SRP72: variants seen among roughly 807,000 people sequenced by gnomAD.
The protein encoded by SRP72 is signal recognition particle 72, also known as signal recognition particle subunit SRP72.
Under a neutral mutation model 96.3 loss-of-function variants are expected in SRP72, and 49 were observed. The observed-to-expected ratio is 0.51, with a 90% CI of 0.40 to 0.65. SRP72 has a LOEUF of 0.65. Among genes scored for constraint, SRP72 ranks in the 30% least tolerant of loss-of-function variants. The pLI, the probability that SRP72 is intolerant of heterozygous loss-of-function variation, is 0.00. For synonymous variants in SRP72, 267 were observed against 275.2 expected, an observed-to-expected ratio of 0.97 and a Z score of 0.30; for missense variants, 736 against 793.3, an observed-to-expected ratio of 0.93 and a Z score of 0.87.
intron 3 of SRP72, among the ~76,000 whole-genome samples, chr4:56,473,657 C>T (rs780235076): frequency 3.1e-4 from 47 of 151,130 alleles, no homozygotes; most frequent in Non-Finnish European, 2.4e-4. Flanking sequence ...CTCAGCTACT[C>T]GGGAGGCTGA....
At chr4:56,474,504 A>G (rs1336095557) in intron 5 of SRP72, 113 bp downstream of exon 5, 12 of 901,924 alleles carry the variant, frequency 1.3e-5, no homozygotes, top group Admixed American at 2.9e-5. Context: ...TTATTGATGC[A>G]GTGACAATTT....
rs534357584 is a variant in SRP72 at position 56,480,421 on chromosome 4, G to A, written c.825+1772G>A. Among the ~76,000 whole-genome samples, 69 of 151,840 alleles carry A rather than the reference G, an allele frequency of 4.5e-4. 2 individuals carry two copies. Among genetic ancestry groups the A allele is most frequent in the Non-Finnish European group, 6.8e-4 (46 of 67,978 alleles). ...ACTACAGTCACGTGCCACCACACCC[G>A]GCTAATTTTTGTATTTTTAGTAGAG... On this transcript the variant is annotated intron_variant, in intron 8 of 18. Coordinates refer to ENST00000642900, the MANE Select transcript of SRP72 (RefSeq NM_006947.4).
chr4:56,473,240 A>G (rs1396586717), intron 3 of SRP72, among the ~76,000 whole-genome samples: 2 of 152,062 alleles, frequency 1.3e-5, no homozygotes, highest in African/African-American at 4.8e-5. Flanking sequence ...CGGGCGGATC[A>G]TGAGGTCAGG....
intron 8 of SRP72, 120 bp downstream of exon 8, chr4:56,478,769 G>C (rs977075616): frequency 1.0e-6 from 1 of 955,604 alleles, no homozygotes; most frequent in Non-Finnish European, 1.6e-6. Flanking sequence ...AAGTCCAGTT[G>C]TAGCAAAATC....
chr4:56,484,886 G>A (rs182227596), intron 10 of SRP72, 22 bp downstream of exon 10: 667 of 1,601,782 alleles, frequency 4.2e-4, no homozygotes, highest in Admixed American at 5.9e-4. Flanking sequence ...ACTTGAATGA[G>A]GTGTCAGACA....
chr4:56,480,642 C>T (rs1306851349), intron 8 of SRP72, among the ~76,000 whole-genome samples: 1 of 152,136 alleles, frequency 6.6e-6, no homozygotes. Flanking sequence ...CTGAACATAA[C>T]TTATACACTG....
At chr4:56,497,220 A>T (rs1203093275) in intron 17 of SRP72, among the ~76,000 whole-genome samples, 2 of 145,592 alleles carry the variant, frequency 1.4e-5, no homozygotes, top group East Asian at 4.0e-4. Flanking sequence ...TATTTTATTT[A>T]TTTATTTTTT....
chr4:56,476,690 A>T lies in SRP72; in HGVS notation c.630A>T (p.Leu210Phe), dbSNP rs779099512. 5 of 1,612,676 alleles carry T rather than the reference A, an allele frequency of 3.1e-6. No individual in the cohort carries two copies. Among genetic ancestry groups the T allele is most frequent in the Non-Finnish European group, 4.2e-6 (5 of 1,179,808 alleles). Residue 210 changes from leucine to phenylalanine, a missense_variant, in exon 6 of 19, where the codon TTA (leucine) becomes TTT (phenylalanine). Physicochemically the swap from Leu to Phe is conservative, Grantham distance 22. Transcript: ENST00000642900. Reference sequence around the variant, plus strand: ...CTGTAGATCTTTGCCGCCGTTCATTATCAGAAGACACTGTAAGTATTCCAT... The same window carrying T: ...CTGTAGATCTTTGCCGCCGTTCATTTTCAGAAGACACTGTAAGTATTCCAT... The part of the protein sequence containing the change: ...QKAEDLCRRS[L>F]SEDTDGTEED...
At position 56,484,746 on chromosome 4, in the gene SRP72, G is replaced by C. The variant is rs760006988; in HGVS notation, c.968G>C (p.Cys323Ser). The change falls in exon 10 of 19, where the codon TGC becomes TCC. Residue 323 changes from cysteine (C) to serine (S), a missense_variant. Coordinates refer to ENST00000642900, the MANE Select transcript of SRP72 (RefSeq NM_006947.4). ...LAMYTNQAEQCRKISASLQSQ... is the reference protein window; with the variant it reads ...LAMYTNQAEQSRKISASLQSQ... ...TTGGATATCTTCTAGGCTGAACAAT[G>C]CCGCAAAATATCTGCCAGTTTACAG... 6.2e-7 allele frequency: 1 copy of C among 1,614,042 alleles called. No individual in the cohort carries two copies. The highest frequency in any genetic ancestry group is 1.1e-5 in the South Asian group (1 of 91,072).
At chr4:56,469,061 C>T (rs554875540) in intron 1 of SRP72, among the ~76,000 whole-genome samples, 1 of 152,272 alleles carries the variant, frequency 6.6e-6, no homozygotes, top group South Asian at 2.1e-4. Context: ...TTTTTGGAAA[C>T]GTTGCCAGCA....
At chr4:56,486,714 T>G (rs901800561) in intron 11 of SRP72, among the ~76,000 whole-genome samples, 3 of 152,222 alleles carry the variant, frequency 2.0e-5, no homozygotes, top group Non-Finnish European at 1.5e-5. Context: ...GCAGAAATGC[T>G]TATGTCCGTC....
At chr4:56,481,380 T>G (rs1005915594) in intron 8 of SRP72, among the ~76,000 whole-genome samples, 1 of 152,230 alleles carries the variant, frequency 6.6e-6, no homozygotes, top group Non-Finnish European at 1.5e-5. Context: ...AGTTTGTGCT[T>G]CTCAGGATGC....
intron 8 of SRP72, among the ~76,000 whole-genome samples, chr4:56,480,521 A>T (rs546279044): frequency 6.6e-6 from 1 of 152,310 alleles, no homozygotes; most frequent in African/African-American, 2.4e-5. Flanking sequence ...CAGCCTCCCA[A>T]AGTGTTGGGA....
chr4:56,480,299 G>A (rs1206762919), intron 8 of SRP72, among the ~76,000 whole-genome samples: 3 of 152,034 alleles, frequency 2.0e-5, no homozygotes, highest in African/African-American at 7.2e-5. Flanking sequence ...AGTCTCTGTT[G>A]CCCAGGCTGG....
chr4:56,484,961 A>G, intron 10 of SRP72, 97 bp downstream of exon 10: 1 of 1,406,144 alleles, frequency 7.1e-7, no homozygotes, highest in Non-Finnish European at 9.4e-7. Flanking sequence ...TTAATGGGAA[A>G]ACTAATCAGA....
chr4:56,497,191 CTTTA>C (rs144365307), intron 17 of SRP72, among the ~76,000 whole-genome samples: 4,653 of 151,026 alleles, frequency 0.031, 155 homozygotes, highest in East Asian at 0.19. Context: ...ATGCACTTCA[CTTTA>C]TTTATTTTTT....
chr4:56,499,753 T>C (rs960834597), intron 17 of SRP72, among the ~76,000 whole-genome samples: 6 of 152,224 alleles, frequency 3.9e-5, no homozygotes, highest in African/African-American at 1.2e-4. Flanking sequence ...AGGAACACTT[T>C]AACATTGTTG....
At chr4:56,469,923 C>A in intron 2 of SRP72, 150 bp downstream of exon 2, 2 of 636,348 alleles carry the variant, frequency 3.1e-6, no homozygotes, top group Non-Finnish European at 4.7e-6. Context: ...AATAATGTTT[C>A]TGAACTGGAA....
chr4:56,477,479 G>A (rs1720292579), intron 6 of SRP72, among the ~76,000 whole-genome samples: 1 of 151,286 alleles, frequency 6.6e-6, no homozygotes, highest in South Asian at 2.1e-4. Flanking sequence ...GTAGAGATGG[G>A]GGTCTCGCTG....
Sources: gnomAD v4.1 joint callset for allele counts (sites outside exome capture counted in the v4.1 genomes callset) on GRCh38, gnomAD v4.1.1 for gene constraint, MANE v1.5 for transcripts, NCBI Gene and HGNC (gene_info 2026-07-23, HGNC 2026-07-21) for gene names.